Variants in ASPH observed in about 807,000 individuals in gnomAD.
ASPH encodes aspartate beta-hydroxylase, also known as aspartyl/asparaginyl beta-hydroxylase.
A neutral mutation model predicts 118.4 loss-of-function variants in ASPH; 100 were observed. That is an observed-to-expected ratio of 0.84 (90% CI 0.72 to 1.00). The LOEUF (loss-of-function observed/expected upper bound fraction) is 1.00. ASPH is among the 50% of genes least tolerant of loss of function. ASPH has a pLI of 0.00. For synonymous variants in ASPH, 315 were observed against 325.6 expected (o/e 0.97, Z 0.35); for missense variants, 920 against 919.5 (o/e 1.00, Z -0.01).
At chr8:61,552,928 G>T in intron 20 of ASPH, 103 bp downstream of exon 20, 1 of 985,618 alleles carries the variant, frequency 1.0e-6, no homozygotes, top group Non-Finnish European at 1.5e-6. Flanking sequence ...GCTTTCGAAA[G>T]TTCACACTCA....
At chr8:61,704,004 G>A (rs559513043) in intron 1 of ASPH, among the ~76,000 whole-genome samples, 4 of 151,708 alleles carry the variant, frequency 2.6e-5, no homozygotes, top group Admixed American at 1.3e-4. Context: ...GACCATCCCG[G>A]CTAAAACGGT....
intron 6 of ASPH, among the ~76,000 whole-genome samples, chr8:61,645,400 C>A: frequency 6.6e-6 from 1 of 152,120 alleles, no homozygotes; most frequent in East Asian, 1.9e-4. Flanking sequence ...GTTGTATAAG[C>A]AGCATGTAGA....
intron 1 of ASPH, chr8:61,689,937 C>G (rs1279553877): frequency 9.9e-7 from 1 of 1,010,582 alleles, no homozygotes; most frequent in African/African-American, 1.7e-5. Flanking sequence ...CACTCCCTAA[C>G]AACACCACAG....
intron 5 of ASPH, among the ~76,000 whole-genome samples, chr8:61,647,112 G>A (rs1299933590): frequency 6.6e-6 from 1 of 152,168 alleles, no homozygotes; most frequent in Non-Finnish European, 1.5e-5. Context: ...TACACATCAG[G>A]ACAGGAAGCT....
intron 1 of ASPH, among the ~76,000 whole-genome samples, chr8:61,692,876 G>C (rs1415961899): frequency 6.6e-6 from 1 of 151,850 alleles, no homozygotes; most frequent in Non-Finnish European, 1.5e-5. Context: ...CTAATTCTCA[G>C]GGTCTCAAGG....
rs1464742802 is a variant in ASPH, at chr8:61,684,134, G to C, written c.158C>G (p.Ser53Ter). ...NGRKGGLSGT[S>*]FFTWFMVIAL... ...AATCACCATAAACCACGTGAAGAAT[G>C]AAGTTCCTGAGAGTCCGCCTTTCCT... Residue 53 changes from serine (S) to a stop codon, truncating the protein, a stop_gained, in exon 2 of 25, where the codon TCA becomes TGA. Transcript: ENST00000379454. LOFTEE classifies it high-confidence loss of function. 1 of 1,613,634 alleles carries C rather than the reference G, an allele frequency of 6.2e-7. No homozygotes were observed. The highest frequency in any genetic ancestry group is 8.5e-7 in the Non-Finnish European group (1 of 1,179,692).
At chr8:61,536,503 A>G (rs1819667046) in intron 21 of ASPH, among the ~76,000 whole-genome samples, 1 of 152,200 alleles carries the variant, frequency 6.6e-6, no homozygotes, top group African/African-American at 2.4e-5. Flanking sequence ...TAATAGGAAG[A>G]GAAGGCTTCA....
At chr8:61,688,466 T>C (rs1474084080) in intron 1 of ASPH, among the ~76,000 whole-genome samples, 1 of 152,012 alleles carries the variant, frequency 6.6e-6, no homozygotes, top group Non-Finnish European at 1.5e-5. Flanking sequence ...CAATGTGTAG[T>C]TTTATTTATT....
At chr8:61,575,397 T>C (rs1834800933) in intron 16 of ASPH, among the ~76,000 whole-genome samples, 1 of 152,184 alleles carries the variant, frequency 6.6e-6, no homozygotes, top group African/African-American at 2.4e-5. Context: ...CCCCCTCACA[T>C]GTCTGTTGGC....
chr8:61,664,070 A>T, intron 3 of ASPH: 3 of 973,434 alleles, frequency 3.1e-6, no homozygotes, highest in Non-Finnish European at 3.7e-6. Flanking sequence ...CAAAAATGCT[A>T]CCACAGAGAT....
intron 16 of ASPH, among the ~76,000 whole-genome samples, chr8:61,569,100 A>C (rs1410964086): frequency 6.6e-6 from 1 of 152,246 alleles, no homozygotes; most frequent in African/African-American, 2.4e-5. Context: ...GGGAAGGCAG[A>C]ACATACAGGC....
rs1255973164 is a variant in ASPH at position 61,501,671 on chromosome 8, A to G, written c.*1688T>C. ...GAGTTTGCCTTCTCTTCTCGATTTT[A>G]GTAATTAATTTGGATATTTTTCCTC... On this transcript the variant is annotated 3_prime_UTR_variant, in exon 25 of 25. Transcript: ENST00000379454. The G allele has an allele frequency of 2.0e-5, 3 of 152,310 alleles. No homozygotes were observed. The highest frequency in any genetic ancestry group is 2.0e-4 in the Admixed American group (3 of 15,286). 9.4% of individuals were successfully genotyped at this position (152,310 alleles called of 1,614,324 possible). A position where few individuals can be genotyped will look rare whatever the true frequency, so the allele number is the denominator to read the frequency against.
rs575826672 is a variant in ASPH at position 61,691,674 on chromosome 8, A to C, written c.104-7486T>G. On this transcript the variant is annotated intron_variant, in intron 1 of 24. Coordinates refer to ENST00000379454, the MANE Select transcript of ASPH (RefSeq NM_004318.4). ...TATGCTTTCATACTTAGACACCTGG[A>C]TTTGCTTCACGGCTTCTCCATTAAA... Among the ~76,000 whole-genome samples the C allele has an allele frequency of 1.3e-3, 200 of 152,254 alleles. 1 individual carries two copies. The highest frequency in any genetic ancestry group is 2.5e-3 in the Admixed American group (38 of 15,302).
chr8:61,538,193 G>C (rs1240317467), intron 21 of ASPH, among the ~76,000 whole-genome samples: 4 of 152,182 alleles, frequency 2.6e-5, no homozygotes, highest in Non-Finnish European at 5.9e-5. Flanking sequence ...CAAAGTGTCA[G>C]AGCTGACAGC....
chr8:61,687,031 C>T (rs1395417374), intron 1 of ASPH, among the ~76,000 whole-genome samples: 1 of 151,862 alleles, frequency 6.6e-6, no homozygotes, highest in Non-Finnish European at 1.5e-5. Context: ...GCCTATACTG[C>T]AGTGAGCTAT....
intron 3 of ASPH, chr8:61,664,107 C>T (rs1818293476): frequency 1.0e-6 from 1 of 972,580 alleles, no homozygotes; most frequent in South Asian, 4.7e-5. Flanking sequence ...AACTGCATTT[C>T]ACAGTAGTCA....
intron 14 of ASPH, among the ~76,000 whole-genome samples, chr8:61,605,035 G>A (rs1290549449): frequency 3.9e-5 from 6 of 152,110 alleles, no homozygotes; most frequent in African/African-American, 1.4e-4. Context: ...ATAACTTAAC[G>A]CTTTAATGAG....
At chr8:61,546,431 A>G (rs1398829563) in intron 21 of ASPH, among the ~76,000 whole-genome samples, 2 of 152,216 alleles carry the variant, frequency 1.3e-5, no homozygotes, top group Non-Finnish European at 2.9e-5. Flanking sequence ...GATGGGATCC[A>G]ATCTGAGGGA....
At chr8:61,514,519 C>T (rs1378828797) in intron 24 of ASPH, among the ~76,000 whole-genome samples, 2 of 152,182 alleles carry the variant, frequency 1.3e-5, no homozygotes, top group Middle Eastern at 3.4e-3. Flanking sequence ...ACCATCCTGG[C>T]TAACACGGTG....
Sources: allele counts gnomAD v4.1 joint callset (sites outside exome capture counted in the v4.1 genomes callset), GRCh38; gene constraint gnomAD v4.1.1; transcripts MANE v1.5; gene names NCBI Gene and HGNC (gene_info 2026-07-23, HGNC 2026-07-21).